The following ESYT3 variants were observed in gnomAD, a reference collection of about 807,000 sequenced individuals.
The protein encoded by ESYT3 is extended synaptotagmin 3, also known as extended synaptotagmin-3.
In ESYT3, 101 loss-of-function variants were observed where a neutral mutation model predicts 111.5. The ratio of observed to expected loss-of-function variants is 0.91; its 90% CI spans 0.77 to 1.07. ESYT3 has a LOEUF of 1.07. Ranked by LOEUF, ESYT3 falls within the 50% of genes least tolerant of loss-of-function variation. ESYT3 has a pLI of 0.00. For missense variants in ESYT3, 1,097 were observed against 1,109.4 expected (o/e 0.99, Z 0.16); for synonymous variants, 416 against 446.8 (o/e 0.93, Z 0.87).
chr3:138,460,685 C>T lies in ESYT3; in HGVS notation c.794+19C>T, dbSNP rs755633456. ...GAATCAAGTAGGTGCCTGGGAGAGC[C>T]TCGAGGGAGATCATAAGTTTGGGGG... On this transcript the variant is annotated intron_variant, in intron 7 of 22. Transcript: ENST00000389567. The T allele has an allele frequency of 4.3e-6, 7 of 1,613,814 alleles. No individual in the cohort carries two copies. In the Admixed American group the frequency reaches 6.7e-5, roughly 15 times the overall value.
chr3:138,460,285 A>G (rs2032550509), intron 6 of ESYT3, among the ~76,000 whole-genome samples: 1 of 152,178 alleles, frequency 6.6e-6, no homozygotes, highest in Non-Finnish European at 1.5e-5. Flanking sequence ...TCAAACTCAG[A>G]GCTTTCAAAG....
At position 138,452,031 on chromosome 3, in the gene ESYT3, C is replaced by G. The variant is rs1171663601; in HGVS notation, c.328-17C>G. 1 of 1,613,468 alleles carries G rather than the reference C, an allele frequency of 6.2e-7. No individual in the cohort carries two copies. The highest frequency in any genetic ancestry group is 1.3e-5 in the African/African-American group (1 of 74,934). ...TGCGGCTTCTAGTCTAACTTCCCCT[C>G]GGGGCTTCTTTCCTAGATCCACTTC... On this transcript the variant is annotated splice_polypyrimidine_tract_variant and intron_variant, in intron 1 of 22. Transcript: ENST00000389567.
At chr3:138,470,264 G>C in intron 16 of ESYT3, 118 bp downstream of exon 16, 1 of 1,406,778 alleles carries the variant, frequency 7.1e-7, no homozygotes, top group South Asian at 1.4e-5. Flanking sequence ...TCAGCCCCTT[G>C]TATGTAAGAG....
At chr3:138,459,308 G>A (rs1028798908) in intron 5 of ESYT3, 55 bp downstream of exon 5, 1 of 1,436,266 alleles carries the variant, frequency 7.0e-7, no homozygotes, top group Non-Finnish European at 9.4e-7. Flanking sequence ...TGGGGATCAG[G>A]GAAGGGGAAG....
chr3:138,468,690 C>T lies in ESYT3; in HGVS notation c.1344C>T (p.Val448=). ...HGGLSTAILV[V]FLESACNLPR... Reference sequence around the variant, plus strand: ...GCCTTTCCACTGCCATTCTCGTGGTCTTCTTGGAGAGTGCCTGCAACTTGC... The same window carrying T: ...GCCTTTCCACTGCCATTCTCGTGGTTTTCTTGGAGAGTGCCTGCAACTTGC... The change falls in exon 13 of 23, where the codon GTC becomes GTT. Residue 448 remains valine (V), a synonymous_variant. Coordinates refer to ENST00000389567, the MANE Select transcript of ESYT3 (RefSeq NM_031913.5). The T allele has an allele frequency of 6.2e-7, 1 of 1,614,126 alleles. No individual in the cohort carries two copies. The highest frequency in any genetic ancestry group is 8.5e-7 in the Non-Finnish European group (1 of 1,180,030).
intron 3 of ESYT3, among the ~76,000 whole-genome samples, chr3:138,456,334 G>GGA (rs2032275886): frequency 6.6e-6 from 1 of 152,250 alleles, no homozygotes; most frequent in African/African-American, 2.4e-5. Context: ...CTGCGTGCAT[G>GGA]ATGGCAGAGG....
In ESYT3 at chr3:138,475,801, T is replaced by C. The variant is rs1470046747; in HGVS notation, c.2469-422T>C. 7.9e-5 allele frequency among the ~76,000 whole-genome samples: 12 copies of C among 152,184 alleles called. No homozygotes were observed. The South Asian group carries it at 8.3e-4, about 11-fold the overall frequency. On this transcript the variant is annotated intron_variant, in intron 20 of 22. Coordinates refer to ENST00000389567, the MANE Select transcript of ESYT3 (RefSeq NM_031913.5). ...AAAATTAGCCAGGTGTGGTGGTGCA[T>C]GCCTGTAATCCCAGCTACTCGGGAG...
At chr3:138,450,064 T>C (rs1375678509) in intron 1 of ESYT3, among the ~76,000 whole-genome samples, 1 of 152,086 alleles carries the variant, frequency 6.6e-6, no homozygotes, top group Non-Finnish European at 1.5e-5. Flanking sequence ...TTCCTGCAAG[T>C]GAAGTCTAAG....
At chr3:138,468,322 C>T in intron 12 of ESYT3, 128 bp downstream of exon 12, 1 of 836,098 alleles carries the variant, frequency 1.2e-6, no homozygotes, top group African/African-American at 1.7e-5. Flanking sequence ...ACATGTCACT[C>T]AGCCCGTCTC....
Position 138,440,744 on chromosome 3 carries a change from G to A in ESYT3, c.327+5619G>A, listed in dbSNP as rs961881523. Among the ~76,000 whole-genome samples, 15 of 152,194 alleles carry A rather than the reference G, an allele frequency of 9.9e-5. No homozygotes were observed. The East Asian group carries it at 2.7e-3, about 27-fold the overall frequency. ...GGTTCATGGACTTATCATGTCCTGG[G>A]CCAGGATTGAGCAATATGAGTGACA... On this transcript the variant is annotated intron_variant, in intron 1 of 22. Transcript: ENST00000389567. The surrounding 1 kb of genome is among the most constrained non-coding windows in gnomAD (Gnocchi z 4.2).
rs781133292 is a variant in ESYT3, at chr3:138,455,324, A to G, written c.500A>G (p.Gln167Arg). 8 of 1,613,992 alleles carry G rather than the reference A, an allele frequency of 5.0e-6. No homozygotes were observed. Among genetic ancestry groups the G allele is most frequent in the Non-Finnish European group, 5.9e-6 (7 of 1,179,970 alleles). ...ACCTTTACCAAGCTCTACTTTGGAC[A>G]GAAGGTGGGTGTGTCTCGGGAGGGT... The part of the protein sequence containing the change: ...TFTFTKLYFG[Q>R]KCPRVNGVKA... The change falls in exon 3 of 23, where the codon CAG (glutamine) becomes CGG (arginine). Residue 167 changes from glutamine (Q) to arginine (R), a missense_variant. Gln to Arg is a conservative substitution (Grantham distance 43). Transcript: ENST00000389567.
Position 138,473,330 on chromosome 3 carries a change from G to T in ESYT3, c.2238-206G>T, listed in dbSNP as rs908879988. 1.8e-5 allele frequency: 11 copies of T among 623,474 alleles called. No homozygotes were observed. The African/African-American group carries it at 1.8e-4, about 10-fold the overall frequency. The allele number at this position is 623,474 out of a possible 1,614,324, so 38.6% of individuals were successfully genotyped here. ...GATACAAAGGCAGATTCCACTTCAG[G>T]GTTCCCGTTCTTCCTACTATGAAGT... On this transcript the variant is annotated intron_variant, in intron 18 of 22. Transcript: ENST00000389567.
intron 22 of ESYT3, 48 bp downstream of exon 22, chr3:138,476,540 A>T (rs2033491195): frequency 6.3e-7 from 1 of 1,588,798 alleles, no homozygotes; most frequent in Admixed American, 1.7e-5. Flanking sequence ...TATTCAAGAC[A>T]GTTTTCCCTT....
chr3:138,469,545 G>C lies in ESYT3; in HGVS notation c.1503+41G>C, dbSNP rs185591170. On this transcript the variant is annotated intron_variant, in intron 15 of 22. Coordinates refer to ENST00000389567, the MANE Select transcript of ESYT3 (RefSeq NM_031913.5). The stretch of plus-strand genomic sequence containing the variant: ...GTGTAGCCCTGGGGTAAGGAAACAA[G>C]GACCCAGCCCTTCTCAGGGAGAGAG... The C allele has an allele frequency of 5.3e-4, 839 of 1,570,332 alleles. 5 individuals are homozygous for C. The African/African-American group carries it at 0.01, about 19-fold the overall frequency.
chr3:138,455,125 C>T, intron 2 of ESYT3, 69 bp from the exon 3 acceptor site: 1 of 1,577,056 alleles, frequency 6.3e-7, no homozygotes, highest in South Asian at 1.1e-5. Flanking sequence ...AGGACCTTGT[C>T]CCATGCAGCT....
Position 138,468,834 on chromosome 3 carries a change from T to C in ESYT3, c.1387T>C (p.Tyr463His). The change falls in exon 14 of 23, where the codon TAC becomes CAC. Residue 463 changes from tyrosine to histidine, a missense_variant. By Grantham distance (83) the Tyr-to-His change is moderately conservative. Coordinates refer to ENST00000389567, the MANE Select transcript of ESYT3 (RefSeq NM_031913.5). The part of the protein sequence containing the change: ...ACNLPRNPFD[Y>H]LNGEYRAKKL... ...TGTGCTGCAGAGAAACCCTTTTGACTACCTGAATGGTGAATATCGAGCCAA... is the reference window on the plus strand; with the variant it reads ...TGTGCTGCAGAGAAACCCTTTTGACCACCTGAATGGTGAATATCGAGCCAA... 1.9e-6 allele frequency: 3 copies of C among 1,614,224 alleles called. No homozygotes were observed. The highest frequency in any genetic ancestry group is 2.5e-6 in the Non-Finnish European group (3 of 1,180,040).
Position 138,470,926 on chromosome 3 carries a change from T to G in ESYT3, c.1640T>G (p.Leu547Arg), listed in dbSNP as rs1445601340. ...ECALGMLEVP[L>R]CQILPYADLT... ...GCTCTGGGAATGCTGGAGGTCCCCC[T>G]GTGCCAGATCCTCCCCTATGCTGAC... Residue 547 changes from leucine to arginine, a missense_variant, in exon 17 of 23, where the codon CTG becomes CGG. Leu to Arg is a moderately radical substitution (Grantham distance 102). Transcript: ENST00000389567. 6.8e-6 allele frequency: 11 copies of G among 1,614,172 alleles called. No individual in the cohort carries two copies. In the East Asian group the frequency reaches 2.2e-4, roughly 33 times the overall value.
chr3:138,467,528 G>A, intron 10 of ESYT3, 33 bp from the exon 11 acceptor site: 2 of 1,613,066 alleles, frequency 1.2e-6, no homozygotes, highest in Non-Finnish European at 1.7e-6. Context: ...CTTCCTCTGA[G>A]CTGACCCAAT....
rs2033527958 is a variant in ESYT3 at position 138,477,243 on chromosome 3, T to C, written c.*389T>C. On this transcript the variant is annotated 3_prime_UTR_variant, in exon 23 of 23. Transcript: ENST00000389567. Reference sequence around the variant, plus strand: ...ACCAGAAAGTGTCCTGCCTCTGGCATAGGGGCTGGGGGAGGTCTGTTTCTG... The same window carrying C: ...ACCAGAAAGTGTCCTGCCTCTGGCACAGGGGCTGGGGGAGGTCTGTTTCTG... The C allele has an allele frequency of 1.2e-5, 2 of 162,782 alleles. No homozygotes were observed. Among genetic ancestry groups the C allele is most frequent in the South Asian group, 3.2e-4 (2 of 6,160 alleles). 10.1% of individuals were successfully genotyped at this position (162,782 alleles called of 1,614,324 possible).
Sources: gnomAD v4.1 joint callset for allele counts (sites outside exome capture counted in the v4.1 genomes callset) on GRCh38, gnomAD v4.1.1 for gene constraint, Gnocchi (gnomAD v3.1) non-coding constraint, MANE v1.5 for transcripts, NCBI Gene and HGNC (gene_info 2026-07-23, HGNC 2026-07-21) for gene names.